GRID1: variants seen among roughly 807,000 people sequenced by gnomAD.
GRID1 encodes the protein glutamate receptor ionotropic, delta-1.
A neutral mutation model predicts 98.0 loss-of-function variants in GRID1; 28 were observed. The observed-to-expected ratio is 0.29, with a 90% CI of 0.21 to 0.39. The LOEUF is 0.39. Ranked by LOEUF, GRID1 falls within the 10% of genes least tolerant of loss-of-function variation. The pLI is 1.00. For missense variants in GRID1, 1,111 were observed against 1,340.5 expected (o/e 0.83, Z 2.67); for synonymous variants, 553 against 538.5 (o/e 1.03, Z -0.37).
At chr10:85,997,477 C>T (rs778920078) in intron 4 of GRID1, among the ~76,000 whole-genome samples, 3 of 151,934 alleles carry the variant, frequency 2.0e-5, no homozygotes, top group Non-Finnish European at 4.4e-5. Flanking sequence ...AAGATTTCTA[C>T]ACTGCACTTA....
chr10:86,296,792 T>C (rs77557553), intron 2 of GRID1, among the ~76,000 whole-genome samples: 1 of 7,348 alleles, frequency 1.4e-4, no homozygotes, highest in Non-Finnish European at 2.9e-4. Context: ...CACACATACA[T>C]ACATACATAC....
chr10:85,728,742 A>G (rs1299496137), intron 9 of GRID1, among the ~76,000 whole-genome samples: 1 of 152,200 alleles, frequency 6.6e-6, no homozygotes, highest in Non-Finnish European at 1.5e-5. Flanking sequence ...GCCTTTGGCA[A>G]ACAGCTCCAG....
At position 85,644,444 on chromosome 10, in the gene GRID1, T is replaced by C. The variant is rs577931790; in HGVS notation, c.2193+2758A>G. ...GATGTGTATGTGTATATTTTATACA[T>C]TTTTAAGAGGGTATAATATTCTGTG... On this transcript the variant is annotated intron_variant, in intron 13 of 15. Coordinates refer to ENST00000327946, the MANE Select transcript of GRID1 (RefSeq NM_017551.3). Among the ~76,000 whole-genome samples the C allele has an allele frequency of 7.9e-5, 12 of 152,342 alleles. No individual in the cohort carries two copies. The East Asian group carries it at 1.7e-3, about 22-fold the overall frequency.
At chr10:85,797,666 G>A (rs983762086) in intron 8 of GRID1, among the ~76,000 whole-genome samples, 1 of 147,394 alleles carries the variant, frequency 6.8e-6, no homozygotes, top group African/African-American at 2.5e-5. Context: ...GGTCAGGCTG[G>A]TCTCTAACTC....
chr10:86,253,179 C>T (rs923244921), intron 2 of GRID1, among the ~76,000 whole-genome samples: 21 of 152,218 alleles, frequency 1.4e-4, no homozygotes, highest in Non-Finnish European at 5.9e-5. Flanking sequence ...CACAGCCAGG[C>T]TGACAGCTCT....
chr10:86,028,129 C>T (rs1242184152), intron 4 of GRID1, among the ~76,000 whole-genome samples: 1 of 152,190 alleles, frequency 6.6e-6, no homozygotes, highest in Non-Finnish European at 1.5e-5. Context: ...GTGTGTGTGG[C>T]TCTAAAGCTG....
chr10:85,791,980 G>A (rs189618044), intron 8 of GRID1, among the ~76,000 whole-genome samples: 12 of 152,094 alleles, frequency 7.9e-5, no homozygotes, highest in Non-Finnish European at 2.9e-5. Context: ...AGTCCCTGGG[G>A]CCCCCAGGCA....
chr10:86,175,322 T>A (rs1845559055), intron 3 of GRID1, among the ~76,000 whole-genome samples: 1 of 148,974 alleles, frequency 6.7e-6, no homozygotes, highest in African/African-American at 2.5e-5. Flanking sequence ...TTCCTCTACC[T>A]CTTTGCCCTC....
intron 8 of GRID1, among the ~76,000 whole-genome samples, chr10:85,825,117 T>A (rs1842807604): frequency 1.3e-5 from 2 of 152,220 alleles, no homozygotes; most frequent in Admixed American, 1.3e-4. Context: ...GAAATGCCCA[T>A]ATTGTTTTCC....
chr10:86,059,792 T>G (rs572803595), intron 4 of GRID1, among the ~76,000 whole-genome samples: 26 of 152,342 alleles, frequency 1.7e-4, no homozygotes, highest in Admixed American at 5.2e-4. Context: ...CTGGGGATGT[T>G]GTTCTAAACA....
intron 2 of GRID1, among the ~76,000 whole-genome samples, chr10:86,327,070 A>T (rs1481137157): frequency 6.6e-6 from 1 of 152,214 alleles, no homozygotes; most frequent in African/African-American, 2.4e-5. Context: ...CAGGAGGCAG[A>T]GGTTGCAGTG....
intron 12 of GRID1, among the ~76,000 whole-genome samples, chr10:85,674,310 A>G (rs1841120247): frequency 6.6e-6 from 1 of 152,180 alleles, no homozygotes; most frequent in Non-Finnish European, 1.5e-5. Flanking sequence ...GATGTCCCAT[A>G]GAAAGCCCCC....
chr10:86,325,176 A>C (rs1848030267), intron 2 of GRID1, among the ~76,000 whole-genome samples: 1 of 150,662 alleles, frequency 6.6e-6, no homozygotes, highest in South Asian at 2.1e-4. Context: ...AAAGATTTGC[A>C]CATCTCACTT....
intron 2 of GRID1, among the ~76,000 whole-genome samples, chr10:86,336,540 G>A (rs1308074127): frequency 2.0e-5 from 3 of 152,166 alleles, no homozygotes; most frequent in Non-Finnish European, 2.9e-5. Flanking sequence ...GACAATTAAC[G>A]CTGTTTCCCA....
In GRID1 at chr10:85,685,799, T is replaced by C. The variant is rs193015272; in HGVS notation, c.1997+37204A>G. ...CTGAAGGAAAGCAGTAATTTTCTGA[T>C]AGGATAGCAATATAGTGTATAGAAA... On this transcript the variant is annotated intron_variant, in intron 12 of 15. Coordinates refer to ENST00000327946, the MANE Select transcript of GRID1 (RefSeq NM_017551.3). Among the ~76,000 whole-genome samples, 107 of 152,248 alleles carry C rather than the reference T, an allele frequency of 7.0e-4. 1 individual carries two copies. The South Asian group carries it at 0.021, about 29-fold the overall frequency.
chr10:85,819,617 G>A (rs960732599), intron 8 of GRID1, among the ~76,000 whole-genome samples: 1 of 152,042 alleles, frequency 6.6e-6, no homozygotes, highest in Admixed American at 6.6e-5. Flanking sequence ...CTAATCATAA[G>A]AAAACTTCTG....
intron 3 of GRID1, among the ~76,000 whole-genome samples, chr10:86,163,078 T>C (rs908995323): frequency 6.6e-6 from 1 of 152,140 alleles, no homozygotes; most frequent in African/African-American, 2.4e-5. Context: ...GCCAGGATGC[T>C]GGAGAGGTGG....
At chr10:85,954,823 T>C (rs1379850232) in intron 4 of GRID1, among the ~76,000 whole-genome samples, 2 of 152,236 alleles carry the variant, frequency 1.3e-5, no homozygotes, top group Non-Finnish European at 2.9e-5. Flanking sequence ...TCTTGTGATC[T>C]AGAAGAAGTC....
At chr10:85,866,445 AT>A (rs5786723) in intron 6 of GRID1, among the ~76,000 whole-genome samples, 39,644 of 148,616 alleles carry the variant, frequency 0.27, 5,215 homozygotes, top group Middle Eastern at 0.29. Flanking sequence ...TTTATTTGGG[AT>A]TTTTTTTTTT....
Sources: allele counts gnomAD v4.1 joint callset (sites outside exome capture counted in the v4.1 genomes callset), GRCh38; gene constraint gnomAD v4.1.1; transcripts MANE v1.5; gene names NCBI Gene and HGNC (gene_info 2026-07-23, HGNC 2026-07-21).